GSN: variants seen among roughly 807,000 people sequenced by gnomAD.
GSN encodes actin-depolymerizing factor.
GSN carries 56 observed loss-of-function variants against 85.7 expected under a neutral mutation model. That is an observed-to-expected ratio of 0.65 (90% CI 0.53 to 0.82). The LOEUF is 0.82. GSN is among the 40% of genes least tolerant of loss of function. GSN has a pLI of 0.00. For missense variants in GSN, 857 were observed against 979.8 expected (o/e 0.87, Z 1.67); for synonymous variants, 373 against 399.1 (o/e 0.93, Z 0.78).
the GSN span, among the ~76,000 whole-genome samples, chr9:121,202,718 T>G: frequency 6.6e-6 from 1 of 152,270 alleles, no homozygotes; most frequent in Admixed American, 6.5e-5. Flanking sequence ...GTTAAATATA[T>G]GTATAAATAT....
intron 4 of GSN, 127 bp from the exon 5 acceptor site, chr9:121,310,557 A>G (rs1177162025): frequency 3.8e-6 from 3 of 799,436 alleles, no homozygotes; most frequent in Non-Finnish European, 6.5e-6. Context: ...ACTGAGAATC[A>G]CTGTGTTGCT....
chr9:121,238,176 T>G (rs968803369), intron 5 of GSN: 1 of 152,508 alleles, frequency 6.6e-6, no homozygotes, highest in Non-Finnish European at 1.5e-5. Flanking sequence ...TAATACTTAG[T>G]GTCAACTTGA....
intron 5 of GSN, among the ~76,000 whole-genome samples, chr9:121,242,217 A>G (rs944431271): frequency 3.9e-5 from 6 of 152,238 alleles, no homozygotes; most frequent in Admixed American, 2.6e-4. Flanking sequence ...TAAATAATTA[A>G]CTATCATAAT....
At chr9:121,236,349 A>G (rs966287097) in intron 5 of GSN, among the ~76,000 whole-genome samples, 5 of 151,946 alleles carry the variant, frequency 3.3e-5, no homozygotes, top group African/African-American at 1.2e-4. Context: ...CCTCCCAAGT[A>G]GCTGGGACTA....
At chr9:121,267,011 C>G (rs1343167134), upstream of GSN, among the ~76,000 whole-genome samples, 1 of 152,208 alleles carries the variant, frequency 6.6e-6, no homozygotes, top group Non-Finnish European at 1.5e-5. Flanking sequence ...CCGGCAATTA[C>G]TGACTCTAGT....
chr9:121,286,303 A>G (rs1389928599), intron 2 of GSN: 4 of 680,556 alleles, frequency 5.9e-6, no homozygotes, highest in East Asian at 2.7e-5. Context: ...GGCCCCCTGC[A>G]GAGATGAAAC....
At chr9:121,274,391 G>A (rs1313927568) in intron 1 of GSN, among the ~76,000 whole-genome samples, 2 of 152,008 alleles carry the variant, frequency 1.3e-5, no homozygotes, top group Non-Finnish European at 2.9e-5. Context: ...AAACAATACT[G>A]CAATGAACAA....
At chr9:121,236,934 A>G (rs901873889) in intron 5 of GSN, among the ~76,000 whole-genome samples, 4 of 152,260 alleles carry the variant, frequency 2.6e-5, no homozygotes, top group African/African-American at 9.6e-5. Context: ...CATCTGGTAA[A>G]CACTTTAGAA....
At position 121,299,840 on chromosome 9, in the gene GSN, G is replaced by A; in HGVS notation, c.-9-2123G>A. 7.4e-7 allele frequency: 1 copy of A among 1,348,402 alleles called. No individual in the cohort carries two copies. 83.5% of individuals were successfully genotyped at this position (1,348,402 alleles called of 1,614,324 possible). A position where few individuals can be genotyped will look rare whatever the true frequency, so the allele number is the denominator to read the frequency against. The stretch of plus-strand genomic sequence containing the variant: ...ACCCGAGGCCGCGGCTGCCGACTGG[G>A]TCCCCTGCCGCTGTCGCCACCATGG... On this transcript the variant is annotated intron_variant, in intron 2 of 17. Transcript: ENST00000432226. This position sits in a 1 kb window ranked among gnomAD's most constrained non-coding sequence, Gnocchi z 4.2.
intron 5 of GSN, chr9:121,239,157 G>C (rs2054553194): frequency 3.0e-6 from 1 of 338,210 alleles, no homozygotes; most frequent in African/African-American, 2.2e-5. Context: ...CTGTATAAGT[G>C]TAACCTGTGA....
chr9:121,227,342 C>T (rs1564342908), intron 4 of GSN, among the ~76,000 whole-genome samples: 2 of 151,724 alleles, frequency 1.3e-5, no homozygotes, highest in Admixed American at 6.6e-5. Context: ...TGCAGTGAGC[C>T]GAGGTGGCGC....
chr9:121,321,488 C>G, intron 11 of GSN, 87 bp downstream of exon 11: 1 of 1,342,374 alleles, frequency 7.4e-7, no homozygotes, highest in Non-Finnish European at 1.1e-6. Flanking sequence ...GTGTGAGGGC[C>G]TGAGGTGGGA....
intron 2 of GSN, among the ~76,000 whole-genome samples, chr9:121,289,169 T>C (rs578121120): frequency 3.6e-4 from 55 of 152,140 alleles, no homozygotes; most frequent in African/African-American, 1.3e-3. Flanking sequence ...TGTTTTTTTT[T>C]TCTTTTTTTT....
At chr9:121,226,100 G>A (rs556489326) in intron 4 of GSN, among the ~76,000 whole-genome samples, 29 of 152,256 alleles carry the variant, frequency 1.9e-4, no homozygotes, top group Admixed American at 6.6e-4. Flanking sequence ...CACTGCGCCC[G>A]GCAGAGCCTG....
intron 4 of GSN, among the ~76,000 whole-genome samples, chr9:121,303,749 C>T (rs1052617823): frequency 6.6e-6 from 1 of 152,086 alleles, no homozygotes; most frequent in African/African-American, 2.4e-5. Flanking sequence ...GTGGGGGTGG[C>T]TGGGAAATGC....
At chr9:121,278,635 C>T (rs546001542) in intron 1 of GSN, among the ~76,000 whole-genome samples, 6 of 152,308 alleles carry the variant, frequency 3.9e-5, no homozygotes, top group East Asian at 3.9e-4. Context: ...CAAACAGGCA[C>T]GTAGTGAGAG....
Position 121,332,466 on chromosome 9 carries a change from C to A in GSN, c.2059C>A (p.Arg687=), listed in dbSNP as rs528764941. Residue 687 remains arginine, a synonymous_variant, in exon 18 of 18, where the codon CGG becomes AGG. Coordinates refer to ENST00000432226, the MANE Select transcript of GSN (RefSeq NM_198252.3). This position sits in a 1 kb window ranked among gnomAD's most constrained non-coding sequence, Gnocchi z 4.8. ...KRYIETDPAN[R]DRRTPITVVK... ...GTACATCGAGACGGACCCAGCCAAT[C>A]GGGATCGGCGGACGCCCATCACCGT... 1.2e-6 allele frequency: 2 copies of A among 1,614,106 alleles called. No individual in the cohort carries two copies. Among genetic ancestry groups the A allele is most frequent in the East Asian group, 2.2e-5 (1 of 44,884 alleles).
chr9:121,318,505 G>C lies in GSN; in HGVS notation c.975+11G>C, dbSNP rs1034660749. 1.2e-6 allele frequency: 2 copies of C among 1,603,930 alleles called. No individual in the cohort carries two copies. On this transcript the variant is annotated intron_variant, in intron 9 of 17. Transcript: ENST00000432226. The surrounding 1 kb of genome is among the most constrained non-coding windows in gnomAD (Gnocchi z 4.3). ...CCCAAGCAGACTCAGGTGAGTCTTG[G>C]AGGCCAGGTAGGATGGGAAGGGGTG...
intron 2 of GSN, chr9:121,282,379 A>G (rs1473606497): frequency 5.2e-5 from 39 of 750,668 alleles, no homozygotes; most frequent in Middle Eastern, 4.1e-4. Flanking sequence ...CTAATGAGCA[A>G]TTGTGCAAGA....
Sources: allele counts gnomAD v4.1 joint callset (sites outside exome capture counted in the v4.1 genomes callset), GRCh38; gene constraint gnomAD v4.1.1; non-coding constraint Gnocchi (gnomAD v3.1); transcripts MANE v1.5; gene names NCBI Gene and HGNC (gene_info 2026-07-23, HGNC 2026-07-21).